HBP1: variants seen among roughly 807,000 people sequenced by gnomAD.
The protein encoded by HBP1 is HMG box-containing protein 1.
A neutral mutation model predicts 62.6 loss-of-function variants in HBP1; 20 were observed. That is an observed-to-expected ratio of 0.32 (90% CI 0.22 to 0.46). The LOEUF (loss-of-function observed/expected upper bound fraction) is 0.46, where lower values mean the gene tolerates loss of function less well. Among genes scored for constraint, HBP1 ranks in the 20% least tolerant of loss-of-function variants. HBP1 has a pLI of 1.00. For missense variants in HBP1, 480 were observed against 611.8 expected (o/e 0.78, Z 2.27); for synonymous variants, 232 against 206.2 (o/e 1.12, Z -1.07).
rs1798388812 is a variant in HBP1 at position 107,202,290 on chromosome 7, T to TCC, written c.*859_*860insCC. The TCC allele has an allele frequency of 2.0e-5, 3 of 152,652 alleles. No individual in the cohort carries two copies. The highest frequency in any genetic ancestry group is 4.4e-5 in the Non-Finnish European group (3 of 68,046). The allele number at this position is 152,652 out of a possible 1,614,324, so 9.5% of individuals were successfully genotyped here. A position where few individuals can be genotyped will look rare whatever the true frequency, so the allele number is the denominator to read the frequency against. ...CTTACTGCAGTGCAACACTTGCACT[T>TCC]TAATTTTCCTCCAACTGTCTAAAAT... On this transcript the variant is annotated 3_prime_UTR_variant, in exon 11 of 11. Transcript: ENST00000222574.
intron 1 of HBP1, 34 bp downstream of exon 1, chr7:107,169,219 G>C (rs1353285178): frequency 4.8e-6 from 4 of 838,144 alleles, no homozygotes; most frequent in Non-Finnish European, 1.5e-6. Context: ...AGAGGTGGGG[G>C]TGGGGAAGGG....
intron 4 of HBP1, among the ~76,000 whole-genome samples, chr7:107,186,156 C>CTTTTTTT (rs946488645): frequency 7.1e-5 from 9 of 127,266 alleles, no homozygotes; most frequent in East Asian, 2.3e-4. Flanking sequence ...TCTTTTTTTT[C>CTTTTTTT]TTTTTTTTTC....
At chr7:107,197,914 A>C (rs1239521190) in intron 9 of HBP1, among the ~76,000 whole-genome samples, 3 of 152,182 alleles carry the variant, frequency 2.0e-5, no homozygotes, top group Admixed American at 2.0e-4. Context: ...TGAGAAAATG[A>C]CTGGCCTTAG....
rs769329259 is a variant in HBP1, at chr7:107,201,458, A to G, written c.*27A>G. 87 of 1,445,916 alleles carry G rather than the reference A, an allele frequency of 6.0e-5. No individual in the cohort carries two copies. Among genetic ancestry groups the G allele is most frequent in the South Asian group, 3.9e-4 (34 of 86,318 alleles). The allele number at this position is 1,445,916 out of a possible 1,614,324, so 89.6% of individuals were successfully genotyped here. ...CCAGGATGCTTATGTTCTTAAGTCT[A>G]TATTTGCATATACATTGACTCTTGA... On this transcript the variant is annotated 3_prime_UTR_variant, in exon 11 of 11. Transcript: ENST00000222574.
chr7:107,175,826 C>T (rs1796816374), intron 1 of HBP1, among the ~76,000 whole-genome samples: 1 of 151,652 alleles, frequency 6.6e-6, no homozygotes, highest in South Asian at 2.1e-4. Flanking sequence ...ACGCCATTCT[C>T]CTGCCTCAGC....
chr7:107,187,847 CTT>C, intron 6 of HBP1, among the ~76,000 whole-genome samples: 1 of 152,326 alleles, frequency 6.6e-6, no homozygotes, highest in East Asian at 1.9e-4. Flanking sequence ...GATTCTCAGT[CTT>C]TTAGGCCTGG....
intron 1 of HBP1, 41 bp from the exon 2 acceptor site, chr7:107,179,838 C>T: frequency 7.3e-7 from 1 of 1,368,128 alleles, no homozygotes; most frequent in Non-Finnish European, 1.0e-6. Context: ...GCCCAAATTG[C>T]ATGGCTTGAC....
chr7:107,198,186 G>C lies in HBP1; in HGVS notation c.1386-1974G>C, dbSNP rs1325124600. ...ATCTTTTTATAGGATCTCTAAATCA[G>C]GTTATACCCTTTATTGCTCAAAAAT... is the stretch of plus-strand genomic sequence containing the variant. On this transcript the variant is annotated intron_variant, in intron 9 of 10. Transcript: ENST00000222574. Among the ~76,000 whole-genome samples the C allele has an allele frequency of 5.3e-5, 8 of 151,886 alleles. No individual in the cohort carries two copies. The East Asian group carries it at 1.3e-3, about 26-fold the overall frequency.
intron 8 of HBP1, among the ~76,000 whole-genome samples, chr7:107,190,808 G>C (rs552704702): frequency 1.3e-5 from 2 of 152,298 alleles, no homozygotes; most frequent in South Asian, 4.1e-4. Context: ...TTCACATCTA[G>C]AAAGGCTTAG....
At chr7:107,169,997 C>T in intron 1 of HBP1, 2 of 985,486 alleles carry the variant, frequency 2.0e-6, no homozygotes, top group Non-Finnish European at 2.4e-6. Flanking sequence ...GCGAAGTGGA[C>T]AGCCAGGTTT....
intron 1 of HBP1, among the ~76,000 whole-genome samples, chr7:107,169,534 G>A (rs1796444236): frequency 6.6e-6 from 1 of 151,076 alleles, no homozygotes; most frequent in Non-Finnish European, 1.5e-5. Flanking sequence ...GCAGCGCCGG[G>A]GCTGCCCAGG....
At chr7:107,187,570 CACTA>C (rs1797455217) in intron 6 of HBP1, among the ~76,000 whole-genome samples, 1 of 152,140 alleles carries the variant, frequency 6.6e-6, no homozygotes, top group African/African-American at 2.4e-5. Flanking sequence ...TGCTATGTCT[CACTA>C]TTAAGTCTCT....
intron 1 of HBP1, chr7:107,174,672 G>A: frequency 4.1e-6 from 4 of 984,652 alleles, no homozygotes; most frequent in Non-Finnish European, 4.8e-6. Context: ...CCCAAGAACA[G>A]CACTGTTCAT....
chr7:107,194,715 T>C (rs561267622), intron 8 of HBP1, among the ~76,000 whole-genome samples: 2 of 152,332 alleles, frequency 1.3e-5, no homozygotes, highest in African/African-American at 2.4e-5. Context: ...TACCGGAATT[T>C]CTGTTTCAGG....
At chr7:107,187,055 A>G (rs1271347044) in intron 6 of HBP1, among the ~76,000 whole-genome samples, 3 of 152,116 alleles carry the variant, frequency 2.0e-5, no homozygotes, top group African/African-American at 7.2e-5. Context: ...GATCGCGACC[A>G]TCCTGGCTAA....
Position 107,186,657 on chromosome 7 carries a change from A to G in HBP1, c.741A>G (p.Glu247=). 4 of 1,605,746 alleles carry G rather than the reference A, an allele frequency of 2.5e-6. No individual in the cohort carries two copies. Among genetic ancestry groups the G allele is most frequent in the Non-Finnish European group, 2.6e-6 (3 of 1,174,128 alleles). ...GAGCTGAAGGCTGTGATAATGAGGAAGATCTTCAAATGGGCATTCACAAGG... is the reference window on the plus strand; with the variant it reads ...GAGCTGAAGGCTGTGATAATGAGGAGGATCTTCAAATGGGCATTCACAAGG... ...FARAEGCDNE[E]DLQMGIHKGY... Residue 247 remains glutamate, a synonymous_variant, in exon 6 of 11, where the codon GAA becomes GAG. Coordinates refer to ENST00000222574, the MANE Select transcript of HBP1 (RefSeq NM_012257.4).
chr7:107,182,787 TTAGA>T (rs760774346), intron 3 of HBP1, among the ~76,000 whole-genome samples, 186 bp downstream of exon 3: 6 of 152,134 alleles, frequency 3.9e-5, no homozygotes, highest in Non-Finnish European at 4.4e-5. Context: ...ATTTTGAGAA[TTAGA>T]TAAAGGTGAT....
At chr7:107,197,507 T>G (rs1797975322) in intron 9 of HBP1, among the ~76,000 whole-genome samples, 1 of 152,152 alleles carries the variant, frequency 6.6e-6, no homozygotes, top group African/African-American at 2.4e-5. Flanking sequence ...TAGCTGGGAT[T>G]ACGGGCATGC....
chr7:107,179,231 GAA>G (rs11314732), intron 1 of HBP1, among the ~76,000 whole-genome samples: 3 of 151,618 alleles, frequency 2.0e-5, no homozygotes, highest in Non-Finnish European at 4.4e-5. Flanking sequence ...AGGTACAAGT[GAA>G]AAAAAGAGTC....
Sources: gnomAD v4.1 joint callset for allele counts (sites outside exome capture counted in the v4.1 genomes callset) on GRCh38, gnomAD v4.1.1 for gene constraint, MANE v1.5 for transcripts, NCBI Gene and HGNC (gene_info 2026-07-23, HGNC 2026-07-21) for gene names.